The following WNK2 variants were observed in gnomAD, a reference collection of about 807,000 sequenced individuals.
The protein encoded by WNK2 is serine/threonine-protein kinase WNK2.
WNK2 carries 67 observed loss-of-function variants against 192.1 expected under a neutral mutation model. The ratio of observed to expected loss-of-function variants is 0.35; its 90% confidence interval spans 0.29 to 0.43. The LOEUF (loss-of-function observed/expected upper bound fraction) is 0.43. WNK2 is among the 20% of genes least tolerant of loss of function. The pLI is 1.00. For missense variants in WNK2, 2,698 were observed against 3,089.7 expected (o/e 0.87, Z 3.01); for synonymous variants, 1,439 against 1,393.9 (o/e 1.03, Z -0.72).
At chr9:93,256,836 A>G (rs10122466) in intron 10 of WNK2, 112 bp from the exon 11 acceptor site, 910,593 of 953,696 alleles carry the variant, frequency 0.95, 434,996 homozygotes, top group African/African-American at 0.99. Flanking sequence ...GAATGTGAGC[A>G]TGTGCGTGTG....
intron 7 of WNK2, among the ~76,000 whole-genome samples, chr9:93,246,657 C>T (rs531901363): frequency 3.2e-4 from 49 of 152,332 alleles, no homozygotes; most frequent in Admixed American, 5.9e-4. Flanking sequence ...CACCACCTCC[C>T]CTCCCCGATA....
At position 93,257,767 on chromosome 9, in the gene WNK2, C is replaced by G. The variant is rs1420472683; in HGVS notation, c.2382+628C>G. Reference sequence around the variant, plus strand: ...GCAGGAAAGCCCAGCCAGCAAGGCTCGACTCACACAGCTGAAGTGACTTCT... The same window carrying G: ...GCAGGAAAGCCCAGCCAGCAAGGCTGGACTCACACAGCTGAAGTGACTTCT... On this transcript the variant is annotated intron_variant, in intron 11 of 29. Transcript: ENST00000427277. This position sits in a 1 kb window ranked among gnomAD's most constrained non-coding sequence, Gnocchi z 4.7. Among the ~76,000 whole-genome samples, 2 of 152,182 alleles carry G rather than the reference C, an allele frequency of 1.3e-5. No homozygotes were observed. The highest frequency in any genetic ancestry group is 2.9e-5 in the Non-Finnish European group (2 of 68,038).
intron 2 of WNK2, among the ~76,000 whole-genome samples, chr9:93,221,201 C>T (rs1341397114): frequency 6.6e-6 from 1 of 152,198 alleles, no homozygotes. Context: ...TGGGTGGGGA[C>T]CCCCGACCTT....
At chr9:93,265,968 G>C (rs148176061) in intron 16 of WNK2, among the ~76,000 whole-genome samples, 2 of 152,254 alleles carry the variant, frequency 1.3e-5, no homozygotes, top group East Asian at 3.9e-4. Context: ...CTCAGCACTC[G>C]GATACTCCTC....
intron 29 of WNK2, chr9:93,318,357 G>T: frequency 6.3e-7 from 1 of 1,599,216 alleles, no homozygotes; most frequent in Non-Finnish European, 8.5e-7. Flanking sequence ...ATTGCTAGGT[G>T]AGCCCTGCTT....
chr9:93,196,286 T>G (rs1321454320), intron 2 of WNK2, among the ~76,000 whole-genome samples: 4 of 151,842 alleles, frequency 2.6e-5, no homozygotes, highest in Non-Finnish European at 5.9e-5. Flanking sequence ...TGCTCTCCGG[T>G]GGGGGAGATG....
rs1235067079 is a variant in WNK2, at chr9:93,229,679, T to C, written c.682-17T>C. ...TGTCCCATCTCTTGCCCACTTAGCA[T>C]GTCTCTTGCCCTGTAGGACCGGAAG... is the stretch of plus-strand genomic sequence containing the variant. On this transcript the variant is annotated splice_polypyrimidine_tract_variant and intron_variant, in intron 2 of 29. Coordinates refer to ENST00000427277, the MANE Select transcript of WNK2 (RefSeq NM_006648.4). This position sits in a 1 kb window ranked among gnomAD's most constrained non-coding sequence, Gnocchi z 4.9. 1.9e-6 allele frequency: 3 copies of C among 1,607,610 alleles called. No individual in the cohort carries two copies. Among genetic ancestry groups the C allele is most frequent in the African/African-American group, 1.3e-5 (1 of 74,806 alleles).
In WNK2 at chr9:93,290,001, C is replaced by G. The variant is rs766312282; in HGVS notation, c.4890C>G (p.Pro1630=). 2.5e-6 allele frequency: 4 copies of G among 1,578,032 alleles called. No individual in the cohort carries two copies. The highest frequency in any genetic ancestry group is 3.4e-6 in the Non-Finnish European group (4 of 1,160,914). ...AGGTGGAGAAGTCAGAACTGGCCCC[C>G]ACTCGAGGGGCCGTGATGGAGCAGG... The part of the protein sequence containing the change: ...QPLVEKSELA[P]TRGAVMEQGT... The change falls in exon 21 of 30, where the codon CCC becomes CCG. Residue 1630 remains proline (P), a synonymous_variant. Coordinates refer to ENST00000427277, the MANE Select transcript of WNK2 (RefSeq NM_006648.4).
intron 19 of WNK2, among the ~76,000 whole-genome samples, chr9:93,283,598 A>G (rs1848041339): frequency 6.6e-6 from 1 of 152,234 alleles, no homozygotes; most frequent in African/African-American, 2.4e-5. Flanking sequence ...ATAAACATTA[A>G]AAAGTCAAAT....
rs747173900 is a variant in WNK2, at chr9:93,234,952, G to A, written c.1220G>A (p.Arg407His). The A allele has an allele frequency of 1.2e-6, 2 of 1,614,044 alleles. No homozygotes were observed. Among genetic ancestry groups the A allele is most frequent in the Non-Finnish European group, 1.7e-6 (2 of 1,179,926 alleles). The change falls in exon 5 of 30, where the codon CGC becomes CAC. Residue 407 changes from arginine to histidine, a missense_variant. Transcript: ENST00000427277. ...SECQNAAQIY[R>H]KVTCGIKPAS... ...TGCCAGAATGCGGCCCAGATCTACC[G>A]CAAGGTCACCTGTGTGAGTCCACCT...
chr9:93,237,767 C>T (rs987964542), intron 5 of WNK2, among the ~76,000 whole-genome samples: 2 of 152,188 alleles, frequency 1.3e-5, no homozygotes, highest in Admixed American at 6.5e-5. Context: ...GTTCTTCACC[C>T]GGCCCTGTGG....
chr9:93,315,183 A>C (rs10761209), intron 28 of WNK2, among the ~76,000 whole-genome samples: 46,284 of 152,016 alleles, frequency 0.3, 7,265 homozygotes, highest in South Asian at 0.54. Context: ...CCACTTGTTC[A>C]AAGTTACCAC....
chr9:93,219,654 C>T (rs1836455020), intron 2 of WNK2, among the ~76,000 whole-genome samples: 1 of 152,224 alleles, frequency 6.6e-6, no homozygotes, highest in Non-Finnish European at 1.5e-5. Flanking sequence ...ACACGCAGTG[C>T]TGAGAGTGGG....
At chr9:93,276,699 A>G (rs765211547) in intron 19 of WNK2, among the ~76,000 whole-genome samples, 3 of 152,218 alleles carry the variant, frequency 2.0e-5, no homozygotes, top group South Asian at 2.1e-4. Context: ...TGTGCTAGGA[A>G]TATTTAAAGA....
chr9:93,246,642 G>A (rs1841753352), intron 7 of WNK2, among the ~76,000 whole-genome samples: 2 of 152,164 alleles, frequency 1.3e-5, no homozygotes, highest in South Asian at 4.1e-4. Context: ...CTCCATTGGT[G>A]CTGTCACCAC....
At chr9:93,242,640 G>T (rs1485329377) in intron 7 of WNK2, among the ~76,000 whole-genome samples, 1 of 152,228 alleles carries the variant, frequency 6.6e-6, no homozygotes, top group Non-Finnish European at 1.5e-5. Flanking sequence ...GTGGCTGCAG[G>T]CCAAGAACAT....
At chr9:93,258,572 C>T (rs899936505) in intron 11 of WNK2, among the ~76,000 whole-genome samples, 3 of 152,166 alleles carry the variant, frequency 2.0e-5, no homozygotes, top group Non-Finnish European at 2.9e-5. Context: ...GCTCCTGCTG[C>T]TCACACTATG....
chr9:93,289,021 C>T lies in WNK2; in HGVS notation c.4267C>T (p.Pro1423Ser), dbSNP rs1446040515. Residue 1423 changes from proline (P) to serine (S), a missense_variant, in exon 20 of 30, where the codon CCT becomes TCT. Pro to Ser is a moderately conservative substitution (Grantham distance 74, BLOSUM62 -1). Around this residue, in one of 7 missense-constraint regions of WNK2, gnomAD observed 1,098 missense variants for 1,101.0 expected, o/e 1.00. Transcript: ENST00000427277. The part of the protein sequence containing the change: ...TASQAGGPGT[P>S]QGLTSELETS... ...CAGCCAGGCAGGGGGTCCAGGGACA[C>T]CTCAGGGGCTGACCAGTGAGCTCGA... is the stretch of plus-strand genomic sequence containing the variant. 6.2e-7 allele frequency: 1 copy of T among 1,604,788 alleles called. No homozygotes were observed. The highest frequency in any genetic ancestry group is 8.5e-7 in the Non-Finnish European group (1 of 1,175,868).
At chr9:93,303,248 G>C (rs1179742984) in intron 26 of WNK2, among the ~76,000 whole-genome samples, 2 of 152,162 alleles carry the variant, frequency 1.3e-5, no homozygotes, top group African/African-American at 4.8e-5. Flanking sequence ...GTTGGCCTTG[G>C]AGCCAGGGAG....
Sources: allele counts gnomAD v4.1 joint callset (sites outside exome capture counted in the v4.1 genomes callset), GRCh38; gene constraint gnomAD v4.1.1; regional missense constraint gnomAD v4.1.1; non-coding constraint Gnocchi (gnomAD v3.1); transcripts MANE v1.5; gene names NCBI Gene and HGNC (gene_info 2026-07-23, HGNC 2026-07-21).